Variants in WWC1 observed in about 807,000 individuals in gnomAD.
WWC1 encodes the protein protein KIBRA.
In WWC1, 55 loss-of-function variants were observed where a neutral mutation model predicts 138.4. The observed-to-expected ratio is 0.40, with a 90% CI of 0.32 to 0.50. The LOEUF (loss-of-function observed/expected upper bound fraction) is 0.50. Ranked by LOEUF, WWC1 falls within the 20% of genes least tolerant of loss-of-function variation. The probability of loss-of-function intolerance (pLI) is 0.72; values close to 1 mark genes in which losing one functional copy is unlikely to be tolerated. For missense variants in WWC1, 1,226 were observed against 1,420.4 expected, an observed-to-expected ratio of 0.86 and a Z score of 2.20; for synonymous variants, 524 against 564.9, an observed-to-expected ratio of 0.93 and a Z score of 1.03.
At chr5:168,421,244 C>G (rs548900781) in intron 9 of WWC1, among the ~76,000 whole-genome samples, 27 of 152,254 alleles carry the variant, frequency 1.8e-4, no homozygotes, top group Middle Eastern at 3.4e-3. Context: ...GTGCTCACAT[C>G]CCATTGGCCA....
chr5:168,471,644 G>C lies in WWC1; in HGVS notation c.*2627G>C, dbSNP rs1387955283. On this transcript the variant is annotated 3_prime_UTR_variant, in exon 23 of 23. Transcript: ENST00000265293. ...CCCATCCCTTTGGCTCCCATGATTA[G>C]ACCAAGGAGAGGCATGGGGTCCAGC... is the stretch of plus-strand genomic sequence containing the variant. The C allele has an allele frequency of 6.6e-6, 1 of 152,262 alleles. No individual in the cohort carries two copies. Among genetic ancestry groups the C allele is most frequent in the Non-Finnish European group, 1.5e-5 (1 of 68,076 alleles). The allele number at this position is 152,262 out of a possible 1,614,324, so 9.4% of individuals were successfully genotyped here.
chr5:168,423,002 C>T (rs1005000014), intron 10 of WWC1, among the ~76,000 whole-genome samples: 4 of 151,496 alleles, frequency 2.6e-5, no homozygotes, highest in African/African-American at 9.7e-5. Context: ...AAAAATTAAC[C>T]GGGCGTGGTG....
At chr5:168,323,763 C>T (rs761836557) in intron 1 of WWC1, among the ~76,000 whole-genome samples, 1 of 152,056 alleles carries the variant, frequency 6.6e-6, no homozygotes, top group Non-Finnish European at 1.5e-5. Flanking sequence ...AATGATATCA[C>T]CCACAGATCC....
intron 1 of WWC1, among the ~76,000 whole-genome samples, chr5:168,339,991 C>CTCTCTCTTTCTCTCTT (rs1375638560): frequency 2.3e-5 from 3 of 130,702 alleles, no homozygotes; most frequent in African/African-American, 8.6e-5. Flanking sequence ...CTCTTTCTCT[C>CTCTCTCTTTCTCTCTT]TCTCTCTTTC....
chr5:168,448,684 T>C (rs925895356), intron 17 of WWC1, among the ~76,000 whole-genome samples: 3 of 145,960 alleles, frequency 2.1e-5, no homozygotes, highest in Non-Finnish European at 4.4e-5. Context: ...AGTGGCACGA[T>C]CTCAGCTCAC....
Position 168,369,458 on chromosome 5 carries a change from A to C in WWC1, c.120-1966A>C, listed in dbSNP as rs558040967. Among the ~76,000 whole-genome samples, 4 of 152,254 alleles carry C rather than the reference A, an allele frequency of 2.6e-5. No individual in the cohort carries two copies. The South Asian group carries it at 8.3e-4, about 32-fold the overall frequency. On this transcript the variant is annotated intron_variant, in intron 1 of 22. Coordinates refer to ENST00000265293, the MANE Select transcript of WWC1 (RefSeq NM_015238.3). Reference sequence around the variant, plus strand: ...GGCTCTGTTGCCCAGCTTGTAATGCAGTGGTGCCATCACAGCTAACTGCAG... The same window carrying C: ...GGCTCTGTTGCCCAGCTTGTAATGCCGTGGTGCCATCACAGCTAACTGCAG...
chr5:168,457,463 G>C (rs1287459250), intron 19 of WWC1, among the ~76,000 whole-genome samples: 1 of 152,118 alleles, frequency 6.6e-6, no homozygotes, highest in Non-Finnish European at 1.5e-5. Context: ...CCAGCTCCGC[G>C]TGTCTCAGTC....
chr5:168,370,780 G>T (rs905923786), intron 1 of WWC1, among the ~76,000 whole-genome samples: 1 of 152,228 alleles, frequency 6.6e-6, no homozygotes, highest in Non-Finnish European at 1.5e-5. Flanking sequence ...ATCCCCACAA[G>T]ATGGGGACAT....
intron 11 of WWC1, 85 bp from the exon 12 acceptor site, chr5:168,427,947 AC>A: frequency 9.1e-7 from 1 of 1,101,486 alleles, no homozygotes; most frequent in Non-Finnish European, 1.3e-6. Context: ...GATGAGTGAG[AC>A]CCTGCCTCAA....
At chr5:168,417,275 C>T (rs1780732892) in intron 9 of WWC1, among the ~76,000 whole-genome samples, 1 of 152,162 alleles carries the variant, frequency 6.6e-6, no homozygotes, top group Admixed American at 6.5e-5. Context: ...ACTGTAATTA[C>T]ATTAAATACA....
intron 1 of WWC1, among the ~76,000 whole-genome samples, chr5:168,334,566 C>T (rs751620429): frequency 2.0e-5 from 3 of 150,204 alleles, no homozygotes; most frequent in Non-Finnish European, 3.0e-5. Context: ...CCCCCATTTA[C>T]AGTCTCATGC....
intron 15 of WWC1, among the ~76,000 whole-genome samples, chr5:168,431,677 G>T (rs1246466244): frequency 6.6e-6 from 1 of 152,226 alleles, no homozygotes; most frequent in Non-Finnish European, 1.5e-5. Context: ...TCTTTCACAA[G>T]AGGAAGAGTA....
chr5:168,319,572 G>C (rs1771891244), intron 1 of WWC1, among the ~76,000 whole-genome samples: 1 of 152,188 alleles, frequency 6.6e-6, no homozygotes, highest in East Asian at 1.9e-4. Flanking sequence ...TACGATCTTA[G>C]CTTACTGCAG....
chr5:168,396,128 A>G (rs1778883442), intron 3 of WWC1, among the ~76,000 whole-genome samples: 1 of 152,064 alleles, frequency 6.6e-6, no homozygotes, highest in Admixed American at 6.5e-5. Context: ...TCACGCCTGT[A>G]ATCCCAGCAC....
chr5:168,363,335 C>A (rs1776022008), intron 1 of WWC1, among the ~76,000 whole-genome samples: 2 of 151,998 alleles, frequency 1.3e-5, no homozygotes, highest in Non-Finnish European at 2.9e-5. Context: ...ACCAGACTGA[C>A]AAACATGGGG....
intron 2 of WWC1, among the ~76,000 whole-genome samples, chr5:168,375,765 G>A (rs538554284): frequency 1.3e-4 from 19 of 151,946 alleles, no homozygotes; most frequent in Non-Finnish European, 2.5e-4. Flanking sequence ...AGTGGAGACA[G>A]GGTTTCACCT....
At chr5:168,336,785 A>G (rs1046338422) in intron 1 of WWC1, among the ~76,000 whole-genome samples, 5 of 152,132 alleles carry the variant, frequency 3.3e-5, no homozygotes, top group Non-Finnish European at 4.4e-5. Context: ...TTAATACAGG[A>G]CAGTTAGAGT....
chr5:168,334,165 A>G (rs955368050), intron 1 of WWC1, among the ~76,000 whole-genome samples: 6 of 150,968 alleles, frequency 4.0e-5, no homozygotes, highest in Non-Finnish European at 7.4e-5. Context: ...TCAGGCTTGC[A>G]GTGAGCTATG....
intron 15 of WWC1, among the ~76,000 whole-genome samples, chr5:168,437,362 A>T (rs1754325554): frequency 6.6e-6 from 1 of 152,194 alleles, no homozygotes; most frequent in South Asian, 2.1e-4. Flanking sequence ...TTACTTCTGA[A>T]ATCAAGATGC....
Sources: allele counts gnomAD v4.1 joint callset (sites outside exome capture counted in the v4.1 genomes callset), GRCh38; gene constraint gnomAD v4.1.1; transcripts MANE v1.5; gene names NCBI Gene and HGNC (gene_info 2026-07-23, HGNC 2026-07-21).